ADAMTSL3: variants seen among roughly 807,000 people sequenced by gnomAD.
ADAMTSL3 encodes ADAMTS like 3.
Under a neutral mutation model 201.7 loss-of-function variants are expected in ADAMTSL3, and 128 were observed. That is an observed-to-expected ratio of 0.63 (90% CI 0.55 to 0.73). ADAMTSL3 has a LOEUF of 0.73. ADAMTSL3 is among the 30% of genes least tolerant of loss of function. The pLI is 0.00. For synonymous variants in ADAMTSL3, 738 were observed against 748.4 expected, an observed-to-expected ratio of 0.99 and a Z score of 0.23; for missense variants, 1,990 against 2,119.6, an observed-to-expected ratio of 0.94 and a Z score of 1.20.
chr15:83,958,248 T>C (rs1009504101), intron 19 of ADAMTSL3, among the ~76,000 whole-genome samples: 3 of 152,168 alleles, frequency 2.0e-5, no homozygotes, highest in African/African-American at 7.2e-5. Flanking sequence ...ATCAGCCAAA[T>C]TGAGGAAGGA....
intron 4 of ADAMTSL3, among the ~76,000 whole-genome samples, chr15:83,798,755 T>G (rs9744674): frequency 6.8e-6 from 1 of 147,944 alleles, no homozygotes; most frequent in African/African-American, 2.5e-5. Context: ...TGCAGGGAGC[T>G]GAGATCGCGC....
chr15:83,916,055 T>A (rs2066027186), intron 16 of ADAMTSL3, among the ~76,000 whole-genome samples: 1 of 152,220 alleles, frequency 6.6e-6, no homozygotes, highest in Admixed American at 6.5e-5. Flanking sequence ...CATACAAGTT[T>A]TTTGACACTT....
At chr15:83,923,742 C>T (rs1173449191) in intron 16 of ADAMTSL3, among the ~76,000 whole-genome samples, 162 bp from the exon 17 acceptor site, 1 of 152,152 alleles carries the variant, frequency 6.6e-6, no homozygotes. Context: ...TTGGATAATG[C>T]AAAGTTGTTT....
chr15:83,958,647 A>G (rs2066901897), intron 19 of ADAMTSL3, among the ~76,000 whole-genome samples: 1 of 152,226 alleles, frequency 6.6e-6, no homozygotes, highest in African/African-American at 2.4e-5. Flanking sequence ...TATCAATAGC[A>G]TACCAACATA....
intron 8 of ADAMTSL3, among the ~76,000 whole-genome samples, chr15:83,867,191 G>T (rs1413509458): frequency 6.6e-6 from 1 of 152,094 alleles, no homozygotes; most frequent in African/African-American, 2.4e-5. Flanking sequence ...CTATCCAAAA[G>T]ACTGCATTAC....
intron 19 of ADAMTSL3, among the ~76,000 whole-genome samples, chr15:83,960,508 C>G (rs1041931371): frequency 2.0e-5 from 3 of 151,784 alleles, no homozygotes; most frequent in African/African-American, 4.8e-5. Flanking sequence ...TGAAGTACCT[C>G]GGAAAAAAAA....
intron 20 of ADAMTSL3, among the ~76,000 whole-genome samples, chr15:83,977,876 C>G (rs1317143367): frequency 6.6e-6 from 1 of 152,222 alleles, no homozygotes; most frequent in East Asian, 1.9e-4. Context: ...CAGAATCCAC[C>G]CACAGCATCC....
chr15:83,928,269 C>T (rs145299480), intron 17 of ADAMTSL3, among the ~76,000 whole-genome samples: 18 of 152,268 alleles, frequency 1.2e-4, no homozygotes, highest in African/African-American at 3.9e-4. Flanking sequence ...CTCATCTCAA[C>T]CTTCCAAGCC....
In ADAMTSL3 at chr15:83,874,888, C is replaced by T. The variant is rs1256925788; in HGVS notation, c.960+3929C>T. 2.1e-5 allele frequency among the ~76,000 whole-genome samples: 3 copies of T among 145,644 alleles called. 1 individual carries two copies. Among genetic ancestry groups the T allele is most frequent in the Non-Finnish European group, 4.5e-5 (3 of 66,788 alleles). On this transcript the variant is annotated intron_variant, in intron 9 of 29. Transcript: ENST00000286744. ...GTCCAGGTGTCACATGTGAACAAGA[C>T]GATGTGATCTCCGGAAGCCCGGTAG...
At chr15:83,726,803 G>T (rs2062183028) in intron 3 of ADAMTSL3, among the ~76,000 whole-genome samples, 1 of 151,428 alleles carries the variant, frequency 6.6e-6, no homozygotes, top group Admixed American at 6.6e-5. Context: ...CTAGTATTTT[G>T]TTGAGGATTT....
chr15:83,768,704 C>T (rs1176877060), intron 3 of ADAMTSL3, among the ~76,000 whole-genome samples: 4 of 152,140 alleles, frequency 2.6e-5, no homozygotes, highest in Admixed American at 6.5e-5. Context: ...GCAAGGAAGA[C>T]GACGCAAACA....
chr15:83,867,986 A>G (rs2065010182), intron 8 of ADAMTSL3, among the ~76,000 whole-genome samples: 1 of 152,174 alleles, frequency 6.6e-6, no homozygotes, highest in South Asian at 2.1e-4. Flanking sequence ...CTTGATTTCT[A>G]ATTTTTACTC....
At chr15:83,756,412 G>T (rs1482818285) in intron 3 of ADAMTSL3, among the ~76,000 whole-genome samples, 1 of 152,078 alleles carries the variant, frequency 6.6e-6, no homozygotes, top group African/African-American at 2.4e-5. Flanking sequence ...TTTGTGCAGG[G>T]GTACTCCCTT....
chr15:84,027,496 A>C (rs1173480700), intron 27 of ADAMTSL3, among the ~76,000 whole-genome samples: 1 of 152,178 alleles, frequency 6.6e-6, no homozygotes, highest in Non-Finnish European at 1.5e-5. Flanking sequence ...AGGCTGAGGC[A>C]GGAGGATCAT....
intron 13 of ADAMTSL3, 44 bp from the exon 14 acceptor site, chr15:83,897,814 T>C (rs753175527): frequency 6.5e-7 from 1 of 1,534,574 alleles, no homozygotes; most frequent in East Asian, 2.3e-5. Context: ...GCCTTTGTGG[T>C]TCTCTTAAAA....
At chr15:83,711,352 GA>G (rs1256374329) in intron 3 of ADAMTSL3, among the ~76,000 whole-genome samples, 4 of 152,184 alleles carry the variant, frequency 2.6e-5, no homozygotes, top group Non-Finnish European at 5.9e-5. Flanking sequence ...AATTTCTGGT[GA>G]AAGAAGACGG....
At chr15:83,988,658 T>C in intron 21 of ADAMTSL3, 33 bp from the exon 22 acceptor site, 4 of 1,533,106 alleles carry the variant, frequency 2.6e-6, no homozygotes, top group Non-Finnish European at 3.5e-6. Context: ...TAAATTGTTA[T>C]ATGAATGTGT....
At chr15:83,819,579 C>G (rs1424584027) in intron 5 of ADAMTSL3, among the ~76,000 whole-genome samples, 1 of 146,226 alleles carries the variant, frequency 6.8e-6, no homozygotes, top group East Asian at 2.0e-4. Context: ...GGTGAATGAT[C>G]AGAATAATGA....
intron 19 of ADAMTSL3, among the ~76,000 whole-genome samples, chr15:83,968,445 A>G (rs530315912): frequency 6.6e-6 from 1 of 152,328 alleles, no homozygotes; most frequent in South Asian, 2.1e-4. Context: ...AGAAATGCAA[A>G]TCAAAACCAC....
Sources: allele counts gnomAD v4.1 joint callset (sites outside exome capture counted in the v4.1 genomes callset), GRCh38; gene constraint gnomAD v4.1.1; transcripts MANE v1.5; gene names NCBI Gene and HGNC (gene_info 2026-07-23, HGNC 2026-07-21).